PARP16: variants seen among roughly 807,000 people sequenced by gnomAD.
PARP16 encodes the protein protein mono-ADP-ribosyltransferase PARP16.
PARP16 carries 31 observed loss-of-function variants against 35.0 expected under a neutral mutation model. The observed-to-expected ratio is 0.88, with a 90% confidence interval of 0.66 to 1.19. The LOEUF (loss-of-function observed/expected upper bound fraction) is 1.19. Ranked by LOEUF, PARP16 falls within the 50% of genes most tolerant of loss-of-function variation. The pLI is 0.00. For synonymous variants in PARP16, 162 were observed against 169.5 expected, an observed-to-expected ratio of 0.96 and a Z score of 0.34; for missense variants, 424 against 411.2, an observed-to-expected ratio of 1.03 and a Z score of -0.27.
At chr15:65,237,676 A>AGG (rs1266780120) in intron 3 of PARP16, among the ~76,000 whole-genome samples, 3 of 152,172 alleles carry the variant, frequency 2.0e-5, no homozygotes, top group Admixed American at 2.0e-4. Flanking sequence ...TAGAGCCTCC[A>AGG]GAGGGAGTAC....
downstream of PARP16, among the ~76,000 whole-genome samples, chr15:65,257,790 A>C (rs2089561299): frequency 1.3e-5 from 2 of 152,162 alleles, no homozygotes; most frequent in Admixed American, 1.3e-4. Context: ...ATAATACCAT[A>C]AACTCCCAAC....
intron 3 of PARP16, among the ~76,000 whole-genome samples, chr15:65,241,446 T>A (rs114941421): frequency 3.0e-4 from 46 of 152,320 alleles, no homozygotes; most frequent in African/African-American, 1.1e-3. Flanking sequence ...CGGCCAGTTT[T>A]CTAAAGTGCT....
intron 1 of PARP16, among the ~76,000 whole-genome samples, chr15:65,281,366 C>T (rs1025201878): frequency 1.3e-5 from 2 of 152,156 alleles, no homozygotes; most frequent in African/African-American, 2.4e-5. Flanking sequence ...CCAGGCCAGG[C>T]ACTGGAAATA....
At chr15:65,239,111 A>G (rs2088966447) in intron 3 of PARP16, among the ~76,000 whole-genome samples, 1 of 152,016 alleles carries the variant, frequency 6.6e-6, no homozygotes, top group South Asian at 2.1e-4. Context: ...AGCCTGGGTG[A>G]CAGAGTGGGA....
chr15:65,269,173 T>TC (rs56905006), intron 2 of PARP16, among the ~76,000 whole-genome samples: 42,551 of 145,660 alleles, frequency 0.29, 6,372 homozygotes, highest in Admixed American at 0.35. Context: ...TTTTAGTCGG[T>TC]TTTTTTCTTT....
At chr15:65,256,405 G>A (rs184484704), downstream of PARP16, among the ~76,000 whole-genome samples, 9 of 138,632 alleles carry the variant, frequency 6.5e-5, no homozygotes, top group Middle Eastern at 3.9e-3. Context: ...CTCTGCCCAC[G>A]GCTTTTTTTT....
At chr15:65,235,864 T>G (rs1384120584) in intron 3 of PARP16, among the ~76,000 whole-genome samples, 4 of 145,748 alleles carry the variant, frequency 2.7e-5, no homozygotes, top group South Asian at 2.3e-4. Context: ...AGATATGGTT[T>G]TTTTTTTTTT....
At chr15:65,269,205 T>TCTCTCTCTCTCTCCTCTCTCTCTC in intron 2 of PARP16, among the ~76,000 whole-genome samples, 1 of 147,386 alleles carries the variant, frequency 6.8e-6, no homozygotes, top group African/African-American at 2.6e-5. Flanking sequence ...TCTTTCTTTC[T>TCTCTCTCTCTCTCCTCTCTCTCTC]TTTTTTTTTG....
At chr15:65,261,180 A>T (rs906123161) in intron 4 of PARP16, among the ~76,000 whole-genome samples, 154 bp from the exon 5 acceptor site, 1 of 151,970 alleles carries the variant, frequency 6.6e-6, no homozygotes, top group Non-Finnish European at 1.5e-5. Flanking sequence ...CAGCACTGAA[A>T]AAAACGGAGA....
chr15:65,282,639 G>C (rs1271286507), intron 1 of PARP16: 1 of 152,222 alleles, frequency 6.6e-6, no homozygotes, highest in African/African-American at 2.4e-5. Context: ...TGCCCTATAA[G>C]GAATATGGCA....
rs148898682 is a variant in PARP16, at chr15:65,268,880, G to A, written c.312+2055C>T. 4.3e-3 allele frequency among the ~76,000 whole-genome samples: 654 copies of A among 151,352 alleles called. 6 individuals carry two copies. Among genetic ancestry groups the A allele is most frequent in the African/African-American group, 0.015 (622 of 41,294 alleles). Reference sequence around the variant, plus strand: ...AGCGATTCTCCTACCTCAGCCTCCCGAGCAGCTGGGATTACAGGCATGTGC... The same window carrying A: ...AGCGATTCTCCTACCTCAGCCTCCCAAGCAGCTGGGATTACAGGCATGTGC... On this transcript the variant is annotated intron_variant, in intron 2 of 5. Coordinates refer to ENST00000649807, the MANE Select transcript of PARP16 (RefSeq NM_001316943.2).
At chr15:65,283,408 G>C (rs2090480151) in intron 1 of PARP16, among the ~76,000 whole-genome samples, 1 of 152,078 alleles carries the variant, frequency 6.6e-6, no homozygotes, top group African/African-American at 2.4e-5. Flanking sequence ...CCCTGCCCAA[G>C]GATAAAAATC....
chr15:65,276,905 C>T (rs796083315), intron 1 of PARP16, among the ~76,000 whole-genome samples: 26 of 151,468 alleles, frequency 1.7e-4, no homozygotes, highest in Admixed American at 5.9e-4. Context: ...TCGCTTGAAC[C>T]GGGGATGTGG....
chr15:65,254,796 C>T (rs1038546303), downstream of PARP16, among the ~76,000 whole-genome samples: 10 of 152,156 alleles, frequency 6.6e-5, no homozygotes, highest in South Asian at 2.1e-4. Flanking sequence ...AAACTCTCCA[C>T]CCCTCTCCTG....
intron 1 of PARP16, 85 bp from the exon 2 acceptor site, chr15:65,271,157 T>G: frequency 1.5e-6 from 2 of 1,329,810 alleles, no homozygotes; most frequent in South Asian, 1.2e-5. Flanking sequence ...CAGGCAACGT[T>G]CACTTGTTGC....
intron 3 of PARP16, among the ~76,000 whole-genome samples, chr15:65,239,255 G>A (rs1004388265): frequency 2.0e-5 from 3 of 149,926 alleles, no homozygotes; most frequent in Non-Finnish European, 3.0e-5. Context: ...GTGAAACTGC[G>A]GTCTCTACTA....
chr15:65,270,572 G>A (rs1011784374), intron 2 of PARP16, among the ~76,000 whole-genome samples: 1 of 152,154 alleles, frequency 6.6e-6, no homozygotes, highest in Non-Finnish European at 1.5e-5. Flanking sequence ...CTTAGTATGT[G>A]CCCTTAGGCA....
intron 1 of PARP16, among the ~76,000 whole-genome samples, chr15:65,283,406 A>G (rs1452269304): frequency 6.6e-6 from 1 of 152,076 alleles, no homozygotes; most frequent in Non-Finnish European, 1.5e-5. Flanking sequence ...TCCCCTGCCC[A>G]AGGATAAAAA....
Position 65,275,772 on chromosome 15 carries a change from A to T in PARP16, c.175-4700T>A, listed in dbSNP as rs529037634. 2.7e-4 allele frequency among the ~76,000 whole-genome samples: 41 copies of T among 152,266 alleles called. No homozygotes were observed. The South Asian group carries it at 8.1e-3, about 30-fold the overall frequency. On this transcript the variant is annotated intron_variant, in intron 1 of 5. Coordinates refer to ENST00000649807, the MANE Select transcript of PARP16 (RefSeq NM_001316943.2). ...TGGTGTACCCTCAGGTAGCTTACCC[A>T]TACAGGACTGCTGCCTGCACAGTCC...
Sources: gnomAD v4.1 joint callset for allele counts (sites outside exome capture counted in the v4.1 genomes callset) on GRCh38, gnomAD v4.1.1 for gene constraint, MANE v1.5 for transcripts, NCBI Gene and HGNC (gene_info 2026-07-23, HGNC 2026-07-21) for gene names.